LAPTM4B: variants seen among roughly 807,000 people sequenced by gnomAD.
LAPTM4B encodes the protein lysosomal protein transmembrane 4 beta.
Under a neutral mutation model 28.5 loss-of-function variants are expected in LAPTM4B, and 26 were observed. The observed-to-expected ratio is 0.91, with a 90% CI of 0.67 to 1.27. The LOEUF (loss-of-function observed/expected upper bound fraction) is 1.27. LAPTM4B is among the 50% of genes most tolerant of loss of function. LAPTM4B has a pLI of 0.00. For synonymous variants in LAPTM4B, 109 were observed against 106.4 expected (o/e 1.02, Z -0.15); for missense variants, 288 against 285.8 (o/e 1.01, Z -0.06).
intron 6 of LAPTM4B, among the ~76,000 whole-genome samples, chr8:97,847,630 G>T (rs561047838): frequency 6.6e-6 from 1 of 152,270 alleles, no homozygotes; most frequent in Admixed American, 6.5e-5. Context: ...TTGTAGAAAA[G>T]AAAAATAGCA....
chr8:97,796,247 G>A (rs1816581175), intron 1 of LAPTM4B, among the ~76,000 whole-genome samples: 1 of 152,172 alleles, frequency 6.6e-6, no homozygotes, highest in African/African-American at 2.4e-5. Context: ...TTGATTATAT[G>A]CTAAACAATG....
At chr8:97,793,355 A>G (rs2129745120) in intron 1 of LAPTM4B, among the ~76,000 whole-genome samples, 1 of 152,204 alleles carries the variant, frequency 6.6e-6, no homozygotes, top group South Asian at 2.1e-4. Flanking sequence ...TTTTCTGTTC[A>G]GAAAAAAAAA....
Position 97,775,914 on chromosome 8 carries a change from C to T in LAPTM4B, c.-96C>T. The T allele has an allele frequency of 7.6e-7, 1 of 1,318,932 alleles. No individual in the cohort carries two copies. Among genetic ancestry groups the T allele is most frequent in the Admixed American group, 3.0e-5 (1 of 33,552 alleles). The allele number at this position is 1,318,932 out of a possible 1,614,324, so 81.7% of individuals were successfully genotyped here. On this transcript the variant is annotated 5_prime_UTR_variant, in exon 1 of 7. Coordinates refer to ENST00000521545, the MANE Select transcript of LAPTM4B (RefSeq NM_018407.6). ...GCGAGCGGGCCGGGAGCCGGAGCGGCGGAGGAGCCGGCAGCAGCGGCGCGG... is the reference window on the plus strand; with the variant it reads ...GCGAGCGGGCCGGGAGCCGGAGCGGTGGAGGAGCCGGCAGCAGCGGCGCGG...
chr8:97,834,144 G>GAAAAA lies in LAPTM4B; in HGVS notation c.603+9001_603+9005dup, dbSNP rs554058157. Among the ~76,000 whole-genome samples, 158 of 75,346 alleles carry GAAAAA rather than the reference G, an allele frequency of 2.1e-3. 24 individuals are homozygous for GAAAAA. The highest frequency in any genetic ancestry group is 6.3e-3 in the Middle Eastern group (1 of 158). 49.4% of individuals were successfully genotyped at this position (75,346 alleles called of 152,430 possible). ...ACATAGTGAGACCCCTGTCTCTACA[G>GAAAAA]AAAAAAAAAAAAAATCCAGGTGGCA... is the stretch of plus-strand genomic sequence containing the variant. On this transcript the variant is annotated intron_variant, in intron 6 of 6. Coordinates refer to ENST00000521545, the MANE Select transcript of LAPTM4B (RefSeq NM_018407.6).
intron 2 of LAPTM4B, among the ~76,000 whole-genome samples, chr8:97,807,330 C>T (rs937564583): frequency 6.6e-6 from 1 of 151,956 alleles, no homozygotes; most frequent in Non-Finnish European, 1.5e-5. Context: ...ATTTTGGGAG[C>T]CTGGGAGGGT....
intron 6 of LAPTM4B, among the ~76,000 whole-genome samples, chr8:97,841,230 T>C (rs1346022175): frequency 1.0e-5 from 1 of 96,632 alleles, no homozygotes; most frequent in Non-Finnish European, 2.1e-5. Flanking sequence ...CGAAAATGTA[T>C]ACTTTAGAAT....
intron 6 of LAPTM4B, among the ~76,000 whole-genome samples, chr8:97,842,238 A>AT (rs201727125): frequency 0.013 from 2,005 of 151,696 alleles, 45 homozygotes; most frequent in African/African-American, 0.043. Flanking sequence ...TTTCTTTTGA[A>AT]TTTTTTTTTC....
At chr8:97,850,340 T>A (rs535563776) in intron 6 of LAPTM4B, among the ~76,000 whole-genome samples, 2 of 151,610 alleles carry the variant, frequency 1.3e-5, no homozygotes, top group African/African-American at 4.9e-5. Flanking sequence ...TCCGCAAACA[T>A]CTGAGTTCCT....
At chr8:97,815,518 A>G in intron 3 of LAPTM4B, 117 bp downstream of exon 3, 1 of 784,236 alleles carries the variant, frequency 1.3e-6, no homozygotes, top group Non-Finnish European at 2.1e-6. Flanking sequence ...CTCTGTTTAA[A>G]TCTCTCGTTT....
rs572324591 is a variant in LAPTM4B, at chr8:97,830,934, T to C, written c.603+5781T>C. On this transcript the variant is annotated intron_variant, in intron 6 of 6. Coordinates refer to ENST00000521545, the MANE Select transcript of LAPTM4B (RefSeq NM_018407.6). ...AAGAGGGCTGGTGTCTGGAATGAGG[T>C]TGGGCCCATGTAAAAATGTGCGGCC... 3.9e-5 allele frequency among the ~76,000 whole-genome samples: 6 copies of C among 152,204 alleles called. No homozygotes were observed. In the South Asian group the frequency reaches 1.2e-3, roughly 32 times the overall value.
rs921472417 is a variant in LAPTM4B at position 97,851,639 on chromosome 8, T to C, written c.*165T>C. The C allele has an allele frequency of 1.7e-5, 11 of 629,652 alleles. No individual in the cohort carries two copies. The highest frequency in any genetic ancestry group is 1.5e-4 in the African/African-American group (8 of 54,740). 39.0% of individuals were successfully genotyped at this position (629,652 alleles called of 1,614,324 possible). A position where few individuals can be genotyped will look rare whatever the true frequency, so the allele number is the denominator to read the frequency against. On this transcript the variant is annotated 3_prime_UTR_variant, in exon 7 of 7. Coordinates refer to ENST00000521545, the MANE Select transcript of LAPTM4B (RefSeq NM_018407.6). ...ATTGAAAACTGTAGTTTTCAACATA[T>C]GCTTTGCTGGAACACTGTGATAGAT...
chr8:97,813,896 G>T (rs1483477167), intron 2 of LAPTM4B, among the ~76,000 whole-genome samples: 1 of 152,080 alleles, frequency 6.6e-6, no homozygotes, highest in Admixed American at 6.6e-5. Flanking sequence ...TGTTCTGCCA[G>T]ATCTAGGAAA....
chr8:97,849,662 T>C (rs1232429816), intron 6 of LAPTM4B, among the ~76,000 whole-genome samples: 1 of 152,232 alleles, frequency 6.6e-6, no homozygotes, highest in Non-Finnish European at 1.5e-5. Flanking sequence ...TGGCCAGTTA[T>C]CGGCTTCTTG....
At chr8:97,844,698 TC>T (rs368341482) in intron 6 of LAPTM4B, among the ~76,000 whole-genome samples, 1,600 of 152,202 alleles carry the variant, frequency 0.011, 20 homozygotes, top group Middle Eastern at 0.065. Flanking sequence ...AGGCCCTACT[TC>T]CTTGTGTTGA....
At chr8:97,810,001 C>CT in intron 2 of LAPTM4B, among the ~76,000 whole-genome samples, 1 of 152,156 alleles carries the variant, frequency 6.6e-6, no homozygotes, top group Non-Finnish European at 1.5e-5. Context: ...ACAATCTGGG[C>CT]TTACTGCAAT....
intron 6 of LAPTM4B, among the ~76,000 whole-genome samples, chr8:97,843,142 A>G (rs895977193): frequency 6.6e-6 from 1 of 151,932 alleles, no homozygotes; most frequent in Non-Finnish European, 1.5e-5. Context: ...CTGCCTCCCA[A>G]AGTGTTAGGA....
intron 2 of LAPTM4B, among the ~76,000 whole-genome samples, chr8:97,813,345 A>C (rs1398602124): frequency 6.6e-6 from 1 of 152,262 alleles, no homozygotes; most frequent in Non-Finnish European, 1.5e-5. Context: ...GCACGGGAGA[A>C]AGATGGAAGC....
chr8:97,784,436 TTTTTGTTTTG>T (rs1218366026), intron 1 of LAPTM4B, among the ~76,000 whole-genome samples: 1 of 152,032 alleles, frequency 6.6e-6, no homozygotes, highest in African/African-American at 2.4e-5. Context: ...TTGGTTGTTG[TTTTTGTTTTG>T]TTTTGTTTTT....
chr8:97,821,972 A>C (rs995354016), intron 5 of LAPTM4B, among the ~76,000 whole-genome samples: 6 of 152,228 alleles, frequency 3.9e-5, no homozygotes, highest in Admixed American at 6.5e-5. Flanking sequence ...ATTGAGTCTA[A>C]ATTTCCATCA....
Sources: allele counts gnomAD v4.1 joint callset (sites outside exome capture counted in the v4.1 genomes callset), GRCh38; gene constraint gnomAD v4.1.1; transcripts MANE v1.5; gene names NCBI Gene and HGNC (gene_info 2026-07-23, HGNC 2026-07-21).